The following SBNO1 variants were observed in gnomAD, a reference collection of about 807,000 sequenced individuals.
SBNO1 encodes protein strawberry notch homolog 1.
In SBNO1, 23 loss-of-function variants were observed where a neutral mutation model predicts 173.6. That is an observed-to-expected ratio of 0.13 (90% CI 0.10 to 0.19). The LOEUF (loss-of-function observed/expected upper bound fraction) is 0.19, where lower values mean the gene tolerates loss of function less well. Ranked by LOEUF, SBNO1 falls within the 10% of genes least tolerant of loss-of-function variation. The pLI is 1.00. For synonymous variants in SBNO1, 632 were observed against 571.5 expected (o/e 1.11, Z -1.51); for missense variants, 1,238 against 1,671.2 (o/e 0.74, Z 4.52).
At chr12:123,313,287 AAAAT>A (rs1367195469) in intron 24 of SBNO1, among the ~76,000 whole-genome samples, 86 of 150,166 alleles carry the variant, frequency 5.7e-4, no homozygotes, top group African/African-American at 1.4e-3. Context: ...TAAAAAAAAT[AAAAT>A]AAATAAATAA....
intron 24 of SBNO1, among the ~76,000 whole-genome samples, chr12:123,311,890 C>T (rs1868613655): frequency 2.0e-5 from 3 of 151,342 alleles, no homozygotes; most frequent in South Asian, 4.2e-4. Context: ...CGTGCACCAC[C>T]GTGCCTGGCT....
chr12:123,364,325 C>T, intron 1 of SBNO1: 1 of 984,712 alleles, frequency 1.0e-6, no homozygotes, highest in Non-Finnish European at 1.2e-6. Flanking sequence ...CCGCAGCCCC[C>T]GGGTTGTGAG....
chr12:123,362,435 C>CAAAAAAAA (rs56019572), intron 1 of SBNO1, among the ~76,000 whole-genome samples: 1 of 49,738 alleles, frequency 2.0e-5, no homozygotes, highest in South Asian at 1.2e-3. Flanking sequence ...GACTCCGTCT[C>CAAAAAAAA]AAAAAAAAAA....
At chr12:123,345,212 T>C (rs1408298168) in intron 4 of SBNO1, 46 bp downstream of exon 4, 3 of 1,498,456 alleles carry the variant, frequency 2.0e-6, no homozygotes, top group East Asian at 2.3e-5. Flanking sequence ...CATGCTGACA[T>C]AGCTTACCAG....
At chr12:123,306,981 G>A (rs1306688890) in intron 28 of SBNO1, among the ~76,000 whole-genome samples, 1 of 135,978 alleles carries the variant, frequency 7.4e-6, no homozygotes, top group Non-Finnish European at 1.5e-5. Flanking sequence ...CTAGGAGTTT[G>A]AGACCAGCCT....
At chr12:123,331,114 C>G (rs1871162980) in intron 8 of SBNO1, 128 bp downstream of exon 8, 2 of 861,238 alleles carry the variant, frequency 2.3e-6, no homozygotes, top group Non-Finnish European at 3.6e-6. Flanking sequence ...AGGAACCCAC[C>G]ATGACGACCG....
chr12:123,323,386 G>C lies in SBNO1; in HGVS notation c.2125+294C>G, dbSNP rs758177488. ...TTTTTCTTTTTTGAGACAGAGTCTCGCTCTGTCATCCAGGCTGGAGTGCAG... is the reference window on the plus strand; with the variant it reads ...TTTTTCTTTTTTGAGACAGAGTCTCCCTCTGTCATCCAGGCTGGAGTGCAG... On this transcript the variant is annotated intron_variant, in intron 16 of 31. Coordinates refer to ENST00000602398, the MANE Select transcript of SBNO1 (RefSeq NM_001167856.3). Among the ~76,000 whole-genome samples, 6 of 151,946 alleles carry C rather than the reference G, an allele frequency of 3.9e-5. No individual in the cohort carries two copies. The South Asian group carries it at 8.3e-4, about 21-fold the overall frequency.
Position 123,323,762 on chromosome 12 carries a change from T to C in SBNO1, c.2043A>G (p.Leu681=), listed in dbSNP as rs1368774361. The C allele has an allele frequency of 6.2e-6, 10 of 1,612,698 alleles. No individual in the cohort carries two copies. In the East Asian group the frequency reaches 1.3e-4, roughly 22 times the overall value. The change falls in exon 16 of 32, where the codon CTA becomes CTG. Residue 681 remains leucine, a synonymous_variant. Coordinates refer to ENST00000602398, the MANE Select transcript of SBNO1 (RefSeq NM_001167856.3). ...APDRKKLYSL[L]GIDLTAPSNN... Reference sequence around the variant, plus strand: ...TACTTGGAGCTGTCAAATCGATTCCTAGTAAACTATAAAGTTTTTTCCTGT... The same window carrying C: ...TACTTGGAGCTGTCAAATCGATTCCCAGTAAACTATAAAGTTTTTTCCTGT...
intron 24 of SBNO1, among the ~76,000 whole-genome samples, chr12:123,311,880 C>T (rs955448244): frequency 6.6e-6 from 1 of 151,080 alleles, no homozygotes; most frequent in African/African-American, 2.4e-5. Context: ...GAACTACAGG[C>T]GTGCACCACC....
At chr12:123,331,170 G>A in intron 8 of SBNO1, 72 bp downstream of exon 8, 1 of 1,481,212 alleles carries the variant, frequency 6.8e-7, no homozygotes, top group Non-Finnish European at 9.3e-7. Context: ...CACTGTGTTA[G>A]CCAGGATGGT....
intron 9 of SBNO1, 82 bp from the exon 10 acceptor site, chr12:123,328,977 AG>A: frequency 1.2e-6 from 1 of 817,358 alleles, no homozygotes; most frequent in Non-Finnish European, 1.8e-6. Flanking sequence ...ATTCACAAGC[AG>A]GAACTCTTGT....
At chr12:123,304,320 C>T (rs561677035) in intron 29 of SBNO1, 10 of 314,612 alleles carry the variant, frequency 3.2e-5, no homozygotes, top group Admixed American at 9.6e-5. Flanking sequence ...CTGCAACCTC[C>T]GCCTCCCGGG....
Position 123,292,538 on chromosome 12 carries a change from G to A in SBNO1, c.*3370C>T, listed in dbSNP as rs2048526831. ...AACAATTGTTCTAACAGCATCCCATGGAGGCCAGCAAATGAATGCCCCAGG... is the reference window on the plus strand; with the variant it reads ...AACAATTGTTCTAACAGCATCCCATAGAGGCCAGCAAATGAATGCCCCAGG... On this transcript the variant is annotated 3_prime_UTR_variant, in exon 32 of 32. Coordinates refer to ENST00000602398, the MANE Select transcript of SBNO1 (RefSeq NM_001167856.3). The A allele has an allele frequency of 6.6e-6, 1 of 152,134 alleles. No individual in the cohort carries two copies. Among genetic ancestry groups the A allele is most frequent in the Admixed American group, 6.6e-5 (1 of 15,262 alleles). The allele number at this position is 152,134 out of a possible 1,614,324, so 9.4% of individuals were successfully genotyped here.
At chr12:123,296,743 T>C (rs529417938) in intron 31 of SBNO1, among the ~76,000 whole-genome samples, 1 of 152,112 alleles carries the variant, frequency 6.6e-6, no homozygotes, top group South Asian at 2.1e-4. Flanking sequence ...GTATTTTTAG[T>C]AGAGACAGGG....
chr12:123,356,691 G>A (rs563786435), intron 1 of SBNO1, among the ~76,000 whole-genome samples: 1 of 152,170 alleles, frequency 6.6e-6, no homozygotes, highest in African/African-American at 2.4e-5. Flanking sequence ...TGATCCATCC[G>A]CCTCGGCCTC....
intron 20 of SBNO1, 111 bp from the exon 21 acceptor site, chr12:123,317,467 T>C (rs746186718): frequency 7.6e-6 from 7 of 924,650 alleles, no homozygotes; most frequent in East Asian, 2.6e-5. Flanking sequence ...TTCTCAATAA[T>C]GAAGACTTCC....
intron 1 of SBNO1, chr12:123,363,796 A>T: frequency 1.1e-6 from 1 of 904,414 alleles, no homozygotes; most frequent in Non-Finnish European, 1.3e-6. Context: ...GGATCAAGTT[A>T]GTGGTCCGCA....
chr12:123,345,383 G>A lies in SBNO1; in HGVS notation c.425C>T (p.Ala142Val). The A allele has an allele frequency of 6.2e-7, 1 of 1,614,118 alleles. No individual in the cohort carries two copies. The change falls in exon 4 of 32, where the codon GCC (alanine) becomes GTC (valine). Residue 142 changes from alanine (A) to valine (V), a missense_variant. Around this residue, in one of 14 missense-constraint regions of SBNO1, gnomAD observed 287 missense variants for 274.1 expected, o/e 1.05. Coordinates refer to ENST00000602398, the MANE Select transcript of SBNO1 (RefSeq NM_001167856.3). ...GTCTTTTGAAGGTGCAGAGGTCATG[G>A]CATTTCGTACTGTTGGTGCTGAGAC... ...PSVSAPTVRN[A>V]MTSAPSKDQV...
At chr12:123,323,605 C>T (rs1033853279) in intron 16 of SBNO1, 75 bp downstream of exon 16, 2 of 1,082,464 alleles carry the variant, frequency 1.8e-6, no homozygotes, top group South Asian at 1.7e-5. Context: ...CTGCCCACCT[C>T]AGCCTCCCAA....
Sources: allele counts gnomAD v4.1 joint callset (sites outside exome capture counted in the v4.1 genomes callset), GRCh38; gene constraint gnomAD v4.1.1; regional missense constraint gnomAD v4.1.1; transcripts MANE v1.5; gene names NCBI Gene and HGNC (gene_info 2026-07-23, HGNC 2026-07-21).